Variants in DNAH9 observed in about 807,000 individuals in gnomAD.
DNAH9 encodes the protein DNAH9 variant protein.
In DNAH9, 345 loss-of-function variants were observed where a neutral mutation model predicts 471.6. The ratio of observed to expected loss-of-function variants is 0.73; its 90% confidence interval spans 0.67 to 0.80. DNAH9 has a LOEUF of 0.80. Among genes scored for constraint, DNAH9 ranks in the 30% least tolerant of loss-of-function variants. DNAH9 has a pLI of 0.00. For synonymous variants in DNAH9, 2,093 were observed against 2,123.6 expected (o/e 0.99, Z 0.40); for missense variants, 5,407 against 5,609.2 (o/e 0.96, Z 1.15).
intron 15 of DNAH9, among the ~76,000 whole-genome samples, chr17:11,665,672 G>T (rs1483772341): frequency 1.3e-5 from 2 of 152,174 alleles, no homozygotes; most frequent in Non-Finnish European, 2.9e-5. Flanking sequence ...ACTAAAAGTC[G>T]AATTAAACCT....
chr17:11,844,620 T>C (rs1249064274), intron 49 of DNAH9, among the ~76,000 whole-genome samples: 1 of 152,174 alleles, frequency 6.6e-6, no homozygotes, highest in Non-Finnish European at 1.5e-5. Flanking sequence ...CTGGCCAGGC[T>C]GGTCTCAAAC....
chr17:11,775,766 G>A (rs368506174), intron 38 of DNAH9, among the ~76,000 whole-genome samples: 123 of 151,878 alleles, frequency 8.1e-4, no homozygotes, highest in African/African-American at 2.3e-3. Context: ...CACCATGCCC[G>A]GCTAATTTTT....
intron 28 of DNAH9, among the ~76,000 whole-genome samples, chr17:11,733,860 C>CAAAAAAAAAAA (rs57515310): frequency 8.8e-6 from 1 of 113,154 alleles, no homozygotes; most frequent in African/African-American, 3.7e-5. Context: ...GACTCCATCT[C>CAAAAAAAAAAA]AAAAAAAAAA....
intron 26 of DNAH9, among the ~76,000 whole-genome samples, chr17:11,706,656 T>G (rs1054390252): frequency 6.6e-6 from 1 of 152,190 alleles, no homozygotes; most frequent in African/African-American, 2.4e-5. Flanking sequence ...ATGTATTGGA[T>G]TCCAGTAGGA....
At chr17:11,826,118 G>A (rs9894342) in intron 48 of DNAH9, among the ~76,000 whole-genome samples, 9,430 of 152,214 alleles carry the variant, frequency 0.062, 967 homozygotes, top group African/African-American at 0.22. Flanking sequence ...TGTGCAATCT[G>A]TCTTTATTGT....
intron 45 of DNAH9, among the ~76,000 whole-genome samples, chr17:11,820,340 T>A (rs1970264291): frequency 6.6e-6 from 1 of 152,156 alleles, no homozygotes; most frequent in Admixed American, 6.5e-5. Flanking sequence ...GAGCATTTAA[T>A]TTTACTTTCA....
At chr17:11,794,839 C>G (rs1969187219) in intron 42 of DNAH9, among the ~76,000 whole-genome samples, 1 of 148,318 alleles carries the variant, frequency 6.7e-6, no homozygotes, top group Admixed American at 6.9e-5. Context: ...GTATATGACT[C>G]TCTTGGAAAT....
chr17:11,620,147 A>G (rs1040043046), intron 6 of DNAH9, among the ~76,000 whole-genome samples: 1 of 151,456 alleles, frequency 6.6e-6, no homozygotes, highest in Non-Finnish European at 1.5e-5. Context: ...CATAGGAGGC[A>G]GAGGTTGCAG....
Position 11,781,259 on chromosome 17 carries a change from G to A in DNAH9, c.7718+85G>A, listed in dbSNP as rs938042147. 124 of 1,393,060 alleles carry A rather than the reference G, an allele frequency of 8.9e-5. 1 individual carries two copies. Among genetic ancestry groups the A allele is most frequent in the Admixed American group, 4.4e-4 (18 of 40,948 alleles). The allele number at this position is 1,393,060 out of a possible 1,614,324, so 86.3% of individuals were successfully genotyped here. ...GGCCAGTCTCTATTCTGCCTGAACG[G>A]CAAACCTCAGCATAGCTCTGGTGCC... is the stretch of plus-strand genomic sequence containing the variant. On this transcript the variant is annotated intron_variant, in intron 39 of 68. Transcript: ENST00000262442.
At chr17:11,779,914 G>T (rs758289157) in intron 38 of DNAH9, among the ~76,000 whole-genome samples, 1 of 152,210 alleles carries the variant, frequency 6.6e-6, no homozygotes, top group African/African-American at 2.4e-5. Context: ...GAAGGAACTT[G>T]TCTATCTGTC....
intron 5 of DNAH9, among the ~76,000 whole-genome samples, 173 bp downstream of exon 5, chr17:11,617,795 C>T (rs1015127228): frequency 6.6e-6 from 1 of 152,200 alleles, no homozygotes; most frequent in Non-Finnish European, 1.5e-5. Context: ...TTTACAAAGA[C>T]ATTTTCAGTA....
In DNAH9 at chr17:11,598,815, C is replaced by A. The variant is rs753944753; in HGVS notation, c.317C>A (p.Thr106Asn). ...AGAKALFFLR[T>N]GPEPPGPDSF... is the part of the protein sequence containing the mutation. ...GCTAAGGCGCTTTTTTTCCTTCGCA[C>A]CGGGCCCGAGCCTCCAGGGCCCGAC... The change falls in exon 1 of 69, where the codon ACC (threonine) becomes AAC (asparagine). Residue 106 changes from threonine (T) to asparagine (N), a missense_variant. Physicochemically the swap from Thr to Asn is moderately conservative, Grantham distance 65. Around this residue, in one of 3 missense-constraint regions of DNAH9, gnomAD observed 767 missense variants for 692.5 expected, o/e 1.11. Coordinates refer to ENST00000262442, the MANE Select transcript of DNAH9 (RefSeq NM_001372.4). 6.1e-6 allele frequency: 9 copies of A among 1,486,574 alleles called. No individual in the cohort carries two copies. Among genetic ancestry groups the A allele is most frequent in the Non-Finnish European group, 6.2e-6 (7 of 1,122,752 alleles). The allele number at this position is 1,486,574 out of a possible 1,614,324, so 92.1% of individuals were successfully genotyped here.
At chr17:11,866,121 C>T (rs1209499777) in intron 50 of DNAH9, among the ~76,000 whole-genome samples, 2 of 151,996 alleles carry the variant, frequency 1.3e-5, no homozygotes, top group Admixed American at 6.6e-5. Context: ...AGTTTTTCTG[C>T]TCTGTTTTTT....
At chr17:11,766,305 TAAA>T (rs35486873) in intron 36 of DNAH9, among the ~76,000 whole-genome samples, 3 of 143,686 alleles carry the variant, frequency 2.1e-5, no homozygotes, top group South Asian at 2.2e-4. Context: ...AGTTCCCATT[TAAA>T]AAAAAAAAAA....
chr17:11,730,224 T>C (rs1057228554), intron 28 of DNAH9, among the ~76,000 whole-genome samples: 1 of 152,184 alleles, frequency 6.6e-6, no homozygotes, highest in Non-Finnish European at 1.5e-5. Flanking sequence ...CAGCTTGGCT[T>C]GAAAGAGCTG....
Position 11,752,916 on chromosome 17 carries a change from C to A in DNAH9, c.6694C>A (p.Pro2232Thr), listed in dbSNP as rs753066303. Reference protein sequence around the residue: ...KWILLDGDIDPMWIESLNTVM... With the variant: ...KWILLDGDIDTMWIESLNTVM... ...GATTTTACTGGATGGCGACATAGAT[C>A]CAATGTGGATTGAATCCCTGAATAC... The change falls in exon 33 of 69, where the codon CCA (proline) becomes ACA (threonine). Residue 2232 changes from proline to threonine, a missense_variant. Pro to Thr is a conservative substitution (Grantham distance 38). This residue lies in a region of DNAH9 where 4,636 missense variants were observed against 4,900.3 expected (regional missense o/e 0.95). Transcript: ENST00000262442. 4 of 1,606,814 alleles carry A rather than the reference C, an allele frequency of 2.5e-6. No homozygotes were observed. The Admixed American group carries it at 6.8e-5, about 27-fold the overall frequency.
In DNAH9 at chr17:11,954,960, A is replaced by C. The variant is rs146589862; in HGVS notation, c.12844-6907A>C. ...TAGACTGTTTAAAACAAAAATAATA[A>C]AAATTTACTGTGGGCTTTAAGCATA... On this transcript the variant is annotated intron_variant, in intron 67 of 68. Coordinates refer to ENST00000262442, the MANE Select transcript of DNAH9 (RefSeq NM_001372.4). Among the ~76,000 whole-genome samples the C allele has an allele frequency of 2.6e-3, 401 of 152,282 alleles. 5 individuals are homozygous for C. Among genetic ancestry groups the C allele is most frequent in the African/African-American group, 9.2e-3 (381 of 41,560 alleles).
At chr17:11,762,762 TTTTTTTTG>T (rs1380438865) in intron 35 of DNAH9, among the ~76,000 whole-genome samples, 8 of 93,006 alleles carry the variant, frequency 8.6e-5, no homozygotes, top group Non-Finnish European at 1.6e-4. Context: ...AGGTGCGTTT[TTTTTTTTG>T]TTTTTTTTTT....
intron 22 of DNAH9, among the ~76,000 whole-genome samples, chr17:11,697,998 T>C (rs1371751875): frequency 1.3e-5 from 2 of 148,902 alleles, no homozygotes; most frequent in African/African-American, 4.9e-5. Flanking sequence ...AAAAATGTTA[T>C]ATACAATTTT....
Sources: allele counts gnomAD v4.1 joint callset (sites outside exome capture counted in the v4.1 genomes callset), GRCh38; gene constraint gnomAD v4.1.1; regional missense constraint gnomAD v4.1.1; transcripts MANE v1.5; gene names NCBI Gene and HGNC (gene_info 2026-07-23, HGNC 2026-07-21).